The following TRIM50 variants were observed in gnomAD, a reference collection of about 807,000 sequenced individuals.
TRIM50 encodes tripartite motif containing 50.
TRIM50 carries 34 observed loss-of-function variants against 44.9 expected under a neutral mutation model. That is an observed-to-expected ratio of 0.76 (90% CI 0.58 to 1.01). TRIM50 has a LOEUF of 1.01. Among genes scored for constraint, TRIM50 ranks in the 50% least tolerant of loss-of-function variants. The probability of loss-of-function intolerance (pLI) is 0.00; values close to 1 mark genes in which losing one functional copy is unlikely to be tolerated. For synonymous variants in TRIM50, 307 were observed against 291.1 expected (o/e 1.05, Z -0.56); for missense variants, 633 against 663.7 (o/e 0.95, Z 0.51).
At chr7:73,314,081 C>T in intron 6 of TRIM50, 1 of 304,128 alleles carries the variant, frequency 3.3e-6, no homozygotes, top group Non-Finnish European at 6.3e-6. Context: ...CCCCTGCCCG[C>T]CTCCCACCCC....
intron 1 of TRIM50, among the ~76,000 whole-genome samples, chr7:73,325,304 AC>A (rs1804598558): frequency 6.6e-6 from 1 of 152,170 alleles, no homozygotes; most frequent in South Asian, 2.1e-4. Flanking sequence ...CTCCAGTGAG[AC>A]CCAGAACTCT....
intron 1 of TRIM50, chr7:73,325,431 C>G (rs1583786965): frequency 6.5e-6 from 1 of 154,128 alleles, no homozygotes; most frequent in East Asian, 1.9e-4. Flanking sequence ...GAAGCAGCAC[C>G]AGCAGCCCCC....
chr7:73,314,480 G>T, intron 6 of TRIM50: 1 of 396,640 alleles, frequency 2.5e-6, no homozygotes, highest in Non-Finnish European at 4.9e-6. Flanking sequence ...TGCCAGCAAA[G>T]GGGATGTCCC....
chr7:73,316,026 G>A (rs1247252787), intron 6 of TRIM50, among the ~76,000 whole-genome samples: 3 of 151,692 alleles, frequency 2.0e-5, no homozygotes, highest in Non-Finnish European at 2.9e-5. Context: ...GATTACAGGC[G>A]CACACTACCA....
chr7:73,316,201 A>C (rs1378598117), intron 6 of TRIM50, among the ~76,000 whole-genome samples: 1 of 152,160 alleles, frequency 6.6e-6, no homozygotes, highest in Non-Finnish European at 1.5e-5. Context: ...TTACTTTTAA[A>C]AGTAATGGCA....
intron 6 of TRIM50, among the ~76,000 whole-genome samples, chr7:73,316,339 G>C (rs1804357933): frequency 6.6e-6 from 1 of 152,168 alleles, no homozygotes; most frequent in Non-Finnish European, 1.5e-5. Flanking sequence ...TTACAGATGA[G>C]GAACCTGGGC....
At chr7:73,315,645 G>A (rs1554543944) in intron 6 of TRIM50, among the ~76,000 whole-genome samples, 2 of 152,184 alleles carry the variant, frequency 1.3e-5, no homozygotes, top group South Asian at 2.1e-4. Flanking sequence ...GTGAGCCGCC[G>A]TGCCCAGCCC....
intron 1 of TRIM50, 28 bp from the exon 2 acceptor site, chr7:73,324,833 C>T (rs368032289): frequency 3.8e-5 from 62 of 1,611,042 alleles, no homozygotes; most frequent in Non-Finnish European, 4.8e-5. Context: ...GACCTCAGTC[C>T]TGTCCCCTCC....
Position 73,313,595 on chromosome 7 carries a change from C to T in TRIM50, c.875-85G>A. 3 of 1,192,670 alleles carry T rather than the reference C, an allele frequency of 2.5e-6. No individual in the cohort carries two copies. The highest frequency in any genetic ancestry group is 3.4e-6 in the Non-Finnish European group (3 of 876,924). The allele number at this position is 1,192,670 out of a possible 1,614,324, so 73.9% of individuals were successfully genotyped here. On this transcript the variant is annotated intron_variant, in intron 6 of 6. Transcript: ENST00000333149. The surrounding 1 kb of genome is among the most constrained non-coding windows in gnomAD (Gnocchi z 4.9). ...CAGAAGCTGATGGAGGCCCTGAACT[C>T]CCCAAGGAGAGGGGCTGTGTCTTCC...
intron 6 of TRIM50, chr7:73,315,084 G>A: frequency 1.2e-5 from 4 of 333,136 alleles, no homozygotes; most frequent in South Asian, 1.2e-4. Context: ...AAGCTACCAG[G>A]ACCAATTACA....
chr7:73,314,109 G>A (rs1804302405), intron 6 of TRIM50: 1 of 276,842 alleles, frequency 3.6e-6, no homozygotes, highest in East Asian at 1.2e-4. Flanking sequence ...CACCCAAGTT[G>A]CCGCAAGGAA....
Position 73,312,608 on chromosome 7 carries a change from G to T in TRIM50, c.*313C>A, listed in dbSNP as rs1268523850. 6 of 356,356 alleles carry T rather than the reference G, an allele frequency of 1.7e-5. No homozygotes were observed. Among genetic ancestry groups the T allele is most frequent in the East Asian group, 9.0e-5 (2 of 22,106 alleles). The allele number at this position is 356,356 out of a possible 1,614,324, so 22.1% of individuals were successfully genotyped here. ...TGAAAGTTCACAGTAATATGGAAAAGGTATACATGGGACTATTTCTGCCCT... is the reference window on the plus strand; with the variant it reads ...TGAAAGTTCACAGTAATATGGAAAATGTATACATGGGACTATTTCTGCCCT... On this transcript the variant is annotated 3_prime_UTR_variant, in exon 7 of 7. Coordinates refer to ENST00000333149, the MANE Select transcript of TRIM50 (RefSeq NM_178125.3).
At chr7:73,317,514 C>T (rs569069616) in intron 5 of TRIM50, among the ~76,000 whole-genome samples, 51 of 151,928 alleles carry the variant, frequency 3.4e-4, no homozygotes, top group Non-Finnish European at 6.0e-4. Flanking sequence ...CCTGCCACCA[C>T]ACCCAGCTAA....
At chr7:73,322,313 C>T (rs1201874446) in intron 2 of TRIM50, among the ~76,000 whole-genome samples, 2 of 152,172 alleles carry the variant, frequency 1.3e-5, no homozygotes, top group African/African-American at 2.4e-5. Flanking sequence ...CGCACCACTG[C>T]GCTCCAGCCT....
rs1554543191 is a variant in TRIM50, at chr7:73,312,960, C to A, written c.1425G>T (p.Gly475=). 1.3e-6 allele frequency: 2 copies of A among 1,549,822 alleles called. No homozygotes were observed. The highest frequency in any genetic ancestry group is 2.4e-5 in the East Asian group (1 of 40,918). ...SLPMVLPPPS[G]PGPLSPEQPT... ...GCTGCTCGGGGCTGAGGGGGCCAGG[C>A]CCGCTGGGCGGGGGCAGCACCATGG... Residue 475 remains glycine, a synonymous_variant, in exon 7 of 7, where the codon GGG becomes GGT. Coordinates refer to ENST00000333149, the MANE Select transcript of TRIM50 (RefSeq NM_178125.3).
intron 6 of TRIM50, among the ~76,000 whole-genome samples, chr7:73,316,183 A>T (rs1804353723): frequency 6.6e-6 from 1 of 152,132 alleles, no homozygotes. Flanking sequence ...GCCCAGACAA[A>T]AAGTACATTA....
rs1386789976 is a variant in TRIM50 at position 73,328,042 on chromosome 7, A to G, written c.-161T>C. 2.8e-6 allele frequency: 2 copies of G among 718,918 alleles called. No individual in the cohort carries two copies. Among genetic ancestry groups the G allele is most frequent in the Non-Finnish European group, 4.6e-6 (2 of 435,056 alleles). 44.5% of individuals were successfully genotyped at this position (718,918 alleles called of 1,614,324 possible). On this transcript the variant is annotated 5_prime_UTR_variant, in exon 1 of 7. It removes an upstream start codon present in the reference 5' UTR. Transcript: ENST00000333149. ...ATCATGACCCGCACGCTATGGTTAC[A>G]TGCCCCGCCTCGCGCTACCGCGCGT... is the stretch of plus-strand genomic sequence containing the variant.
chr7:73,326,866 T>C (rs1287802679), intron 1 of TRIM50, among the ~76,000 whole-genome samples: 2 of 152,094 alleles, frequency 1.3e-5, no homozygotes, highest in East Asian at 3.9e-4. Flanking sequence ...TCTGGCTCAT[T>C]GCAACCTCCG....
intron 6 of TRIM50, chr7:73,314,627 T>C: frequency 4.0e-6 from 1 of 250,334 alleles, no homozygotes; most frequent in Non-Finnish European, 7.9e-6. Flanking sequence ...GACAGGCAGA[T>C]CACTTGAGGC....
Sources: gnomAD v4.1 joint callset for allele counts (sites outside exome capture counted in the v4.1 genomes callset) on GRCh38, gnomAD v4.1.1 for gene constraint, Gnocchi (gnomAD v3.1) non-coding constraint, MANE v1.5 for transcripts, NCBI Gene and HGNC (gene_info 2026-07-23, HGNC 2026-07-21) for gene names.